Variants in CACNA1A observed in about 807,000 individuals in gnomAD.
The protein encoded by CACNA1A is calcium voltage-gated channel subunit alpha1 A, also known as voltage-dependent P/Q-type calcium channel subunit alpha-1A.
A neutral mutation model predicts 262.4 loss-of-function variants in CACNA1A; 57 were observed. The ratio of observed to expected loss-of-function variants is 0.22; its 90% CI spans 0.18 to 0.27. The LOEUF is 0.27. Among genes scored for constraint, CACNA1A ranks in the 10% least tolerant of loss-of-function variants. The pLI, the probability that CACNA1A is intolerant of heterozygous loss-of-function variation, is 1.00. For synonymous variants in CACNA1A, 1,431 were observed against 1,419.3 expected, an observed-to-expected ratio of 1.01 and a Z score of -0.18; for missense variants, 2,526 against 3,562.8, an observed-to-expected ratio of 0.71 and a Z score of 7.41.
chr19:13,325,199 T>C (rs533422002), intron 10 of CACNA1A, among the ~76,000 whole-genome samples: 30 of 148,568 alleles, frequency 2.0e-4, no homozygotes, highest in Non-Finnish European at 3.3e-4. Flanking sequence ...TCTTCTTCTT[T>C]TTTTTTTTTT....
chr19:13,380,736 T>A (rs566242623), intron 3 of CACNA1A, among the ~76,000 whole-genome samples: 1 of 82,006 alleles, frequency 1.2e-5, no homozygotes, highest in Non-Finnish European at 3.0e-5. Flanking sequence ...TTTATTGGTT[T>A]GTTTGTTTGT....
intron 30 of CACNA1A, among the ~76,000 whole-genome samples, chr19:13,248,844 A>C (rs2056322420): frequency 1.9e-5 from 1 of 52,062 alleles, no homozygotes; most frequent in African/African-American, 8.8e-5. Flanking sequence ...ATCCATCTCA[A>C]AAAAAAAAAA....
intron 3 of CACNA1A, among the ~76,000 whole-genome samples, chr19:13,431,770 C>T (rs1160396483): frequency 2.0e-5 from 3 of 152,082 alleles, no homozygotes; most frequent in Non-Finnish European, 4.4e-5. Flanking sequence ...ATGAAACAAG[C>T]CAGACACAGA....
intron 24 of CACNA1A, among the ~76,000 whole-genome samples, chr19:13,265,739 G>C: frequency 6.6e-6 from 1 of 152,022 alleles, no homozygotes; most frequent in East Asian, 1.9e-4. Flanking sequence ...GAAGCCTCAG[G>C]TAGATGCTAA....
intron 1 of CACNA1A, among the ~76,000 whole-genome samples, chr19:13,500,906 G>C (rs12974295): frequency 6.6e-6 from 1 of 151,908 alleles, no homozygotes; most frequent in Admixed American, 6.6e-5. Context: ...GAATCTCAAA[G>C]TCTGAGTAAA....
At chr19:13,208,116 G>A (rs1366156402) in intron 46 of CACNA1A, 63 bp from the exon 47 acceptor site, 5 of 1,082,714 alleles carry the variant, frequency 4.6e-6, no homozygotes, top group Non-Finnish European at 4.5e-6. Context: ...AAGGAGACAC[G>A]GGATTGGGAG....
chr19:13,209,380 TG>T lies in CACNA1A; in HGVS notation c.6457del (p.Gln2153SerfsTer29). 7.2e-7 allele frequency: 1 copy of T among 1,397,894 alleles called. No homozygotes were observed. The allele number at this position is 1,397,894 out of a possible 1,614,324, so 86.6% of individuals were successfully genotyped here. A position where few individuals can be genotyped will look rare whatever the true frequency, so the allele number is the denominator to read the frequency against. On this transcript the variant is annotated frameshift_variant, in exon 45 of 47. Transcript: ENST00000360228. LOFTEE classifies it high-confidence loss of function. ...GCGGTGGCTGCGGTCGCGGCGCCGC[TG>T]GTGGTGCCGCTGGTTCTCCTCGGGC... is the stretch of plus-strand genomic sequence containing the variant. ...VPPEENQRHH[Q>X]RRRDRSHRAS... is the part of the protein sequence containing the mutation.
At position 13,383,063 on chromosome 19, in the gene CACNA1A, G is replaced by C. The variant is rs73505136; in HGVS notation, c.540-11284C>G. Among the ~76,000 whole-genome samples, 960 of 152,282 alleles carry C rather than the reference G, an allele frequency of 6.3e-3. 8 individuals are homozygous for C. Among genetic ancestry groups the C allele is most frequent in the African/African-American group, 0.021 (889 of 41,554 alleles). On this transcript the variant is annotated intron_variant, in intron 3 of 46. Coordinates refer to ENST00000360228, the MANE Select transcript of CACNA1A (RefSeq NM_001127222.2). ...GTGAGGGGCAACGGTGGTGAAGAAA[G>C]AGAAGAATGGCTCTGGTTCTGAAAG...
At chr19:13,466,661 ACTG>A (rs199568697) in intron 1 of CACNA1A, among the ~76,000 whole-genome samples, 4 of 122,586 alleles carry the variant, frequency 3.3e-5, no homozygotes, top group South Asian at 2.7e-4. Flanking sequence ...CTTTTAAAAT[ACTG>A]CTGCTGCTGC....
chr19:13,430,204 A>AATAT (rs371009661), intron 3 of CACNA1A, among the ~76,000 whole-genome samples: 10 of 86,212 alleles, frequency 1.2e-4, no homozygotes, highest in African/African-American at 2.7e-4. Context: ...ACCACAATGA[A>AATAT]ATATATATAT....
intron 3 of CACNA1A, chr19:13,451,562 T>G (rs1251663449): frequency 6.6e-6 from 1 of 152,278 alleles, no homozygotes; most frequent in Admixed American, 6.5e-5. Flanking sequence ...CATTTCCCTT[T>G]TCTTCTAAGC....
At position 13,404,492 on chromosome 19, in the gene CACNA1A, G is replaced by T. The variant is rs563775112; in HGVS notation, c.540-32713C>A. ...CAGCACCAGGTGTGTGTTAAGAGGC[G>T]TGCCATCAGGAAGGCATCCTCTCCC... On this transcript the variant is annotated intron_variant, in intron 3 of 46. Coordinates refer to ENST00000360228, the MANE Select transcript of CACNA1A (RefSeq NM_001127222.2). Among the ~76,000 whole-genome samples the T allele has an allele frequency of 2.6e-5, 4 of 152,288 alleles. No individual in the cohort carries two copies. The South Asian group carries it at 6.2e-4, about 24-fold the overall frequency.
chr19:13,423,814 C>T (rs1350930849), intron 3 of CACNA1A, among the ~76,000 whole-genome samples: 1 of 152,124 alleles, frequency 6.6e-6, no homozygotes, highest in Admixed American at 6.6e-5. Flanking sequence ...TGCACCTGGC[C>T]AAGAGTTTTC....
At chr19:13,474,890 G>A (rs1031046716) in intron 1 of CACNA1A, among the ~76,000 whole-genome samples, 8 of 151,730 alleles carry the variant, frequency 5.3e-5, no homozygotes, top group African/African-American at 2.4e-5. Flanking sequence ...GACCAGAGAA[G>A]GAGAAAAAAA....
chr19:13,400,500 T>C (rs544953210), intron 3 of CACNA1A, among the ~76,000 whole-genome samples: 1 of 152,296 alleles, frequency 6.6e-6, no homozygotes, highest in East Asian at 1.9e-4. Context: ...TTCAGCAGCT[T>C]GCCACCATCA....
intron 3 of CACNA1A, among the ~76,000 whole-genome samples, chr19:13,404,478 G>A (rs2059967161): frequency 6.6e-6 from 1 of 152,218 alleles, no homozygotes; most frequent in South Asian, 2.1e-4. Context: ...AGCACCAGGT[G>A]TGTGTTAAGA....
rs2058447274 is a variant in CACNA1A, at chr19:13,330,416, T to C, written c.1256-83A>G. On this transcript the variant is annotated intron_variant, in intron 9 of 46. Transcript: ENST00000360228. ...CATATGGACACAGTGTGTCCTTGGA[T>C]TTAACTCTCACGGCAACTGTTCTCA... The C allele has an allele frequency of 3.1e-6, 3 of 974,354 alleles. No individual in the cohort carries two copies. The South Asian group carries it at 4.1e-5, about 13-fold the overall frequency. 60.4% of individuals were successfully genotyped at this position (974,354 alleles called of 1,614,324 possible).
intron 1 of CACNA1A, among the ~76,000 whole-genome samples, chr19:13,461,305 A>G (rs144793450): frequency 4.6e-5 from 7 of 152,150 alleles, no homozygotes; most frequent in African/African-American, 1.7e-4. Flanking sequence ...ACGCCACTGC[A>G]CTCCAGCCTG....
intron 19 of CACNA1A, among the ~76,000 whole-genome samples, chr19:13,292,732 C>A (rs905151226): frequency 6.6e-6 from 1 of 152,214 alleles, no homozygotes; most frequent in Non-Finnish European, 1.5e-5. Context: ...CCGAAGGCCA[C>A]TGGCTTTGTC....
Sources: allele counts gnomAD v4.1 joint callset (sites outside exome capture counted in the v4.1 genomes callset), GRCh38; gene constraint gnomAD v4.1.1; transcripts MANE v1.5; gene names NCBI Gene and HGNC (gene_info 2026-07-23, HGNC 2026-07-21).